The following SPCS2 variants were observed in gnomAD, a reference collection of about 807,000 sequenced individuals.
The protein encoded by SPCS2 is signal peptidase complex subunit 2, also known as SPase 25 kDa subunit.
A neutral mutation model predicts 22.3 loss-of-function variants in SPCS2; 3 were observed. That is an observed-to-expected ratio of 0.13 (90% CI 0.06 to 0.35). The LOEUF (loss-of-function observed/expected upper bound fraction) is 0.35, where lower values mean the gene tolerates loss of function less well. SPCS2 is among the 10% of genes least tolerant of loss of function. SPCS2 has a pLI of 1.00. For missense variants in SPCS2, 169 were observed against 280.9 expected, an observed-to-expected ratio of 0.60 and a Z score of 2.85; for synonymous variants, 67 against 97.2, an observed-to-expected ratio of 0.69 and a Z score of 1.83.
chr11:74,977,718 AAAGG>A lies in SPCS2; in HGVS notation c.*683_*686del, dbSNP rs1948623477. 1 of 152,620 alleles carries A rather than the reference AAAGG, an allele frequency of 6.6e-6. No individual in the cohort carries two copies. The highest frequency in any genetic ancestry group is 1.5e-5 in the Non-Finnish European group (1 of 68,024). The allele number at this position is 152,620 out of a possible 1,614,324, so 9.5% of individuals were successfully genotyped here. A position where few individuals can be genotyped will look rare whatever the true frequency, so the allele number is the denominator to read the frequency against. ...CCATTTTCTAAAATTTTTTTCAATAAAAGGAAGGAAGATGTGAAAAAAATGGAGT... is the reference window on the plus strand; with the variant it reads ...CCATTTTCTAAAATTTTTTTCAATAAAAGGAAGATGTGAAAAAAATGGAGT... On this transcript the variant is annotated 3_prime_UTR_variant, in exon 5 of 5. Coordinates refer to ENST00000263672, the MANE Select transcript of SPCS2 (RefSeq NM_014752.3).
intron 1 of SPCS2, among the ~76,000 whole-genome samples, chr11:74,955,031 G>C (rs1045814867): frequency 6.6e-6 from 1 of 152,034 alleles, no homozygotes; most frequent in African/African-American, 2.4e-5. Flanking sequence ...ACCACTTCAC[G>C]TCCACTAAGA....
chr11:74,963,907 A>G (rs145231632), intron 1 of SPCS2, among the ~76,000 whole-genome samples: 292 of 152,342 alleles, frequency 1.9e-3, no homozygotes, highest in African/African-American at 6.6e-3. Flanking sequence ...TCTACAAAAA[A>G]CAGGTTTGTC....
chr11:74,976,926 G>C lies in SPCS2; in HGVS notation c.564G>C (p.Glu188Asp). Residue 188 changes from glutamate to aspartate, a missense_variant, in exon 5 of 5, where the codon GAG becomes GAC. By Grantham distance (45) the Glu-to-Asp change is conservative. This residue lies in a region of SPCS2 where 118 missense variants were observed against 243.1 expected (regional missense o/e 0.49). Coordinates refer to ENST00000263672, the MANE Select transcript of SPCS2 (RefSeq NM_014752.3). ...SGRTKQQREAEFTKSIAKFFD... is the reference protein window; with the variant it reads ...SGRTKQQREADFTKSIAKFFD... ...GAACAAAGCAGCAGCGGGAAGCCGA[G>C]TTCACAAAGTCCATTGCTAAGTTTT... 1 of 1,613,306 alleles carries C rather than the reference G, an allele frequency of 6.2e-7. No homozygotes were observed. Among genetic ancestry groups the C allele is most frequent in the Non-Finnish European group, 8.5e-7 (1 of 1,179,494 alleles).
intron 1 of SPCS2, among the ~76,000 whole-genome samples, chr11:74,961,964 G>A (rs1029561325): frequency 6.6e-6 from 1 of 152,140 alleles, no homozygotes. Flanking sequence ...TTTATAATGA[G>A]CCATGTATTT....
chr11:74,963,750 G>A (rs1019750067), intron 1 of SPCS2: 2 of 206,922 alleles, frequency 9.7e-6, no homozygotes, highest in East Asian at 1.5e-4. Flanking sequence ...TGCTCAATCC[G>A]AAAGATAAAT....
At chr11:74,970,846 T>A (rs1160141150) in intron 4 of SPCS2, among the ~76,000 whole-genome samples, 1 of 152,242 alleles carries the variant, frequency 6.6e-6, no homozygotes, top group African/African-American at 2.4e-5. Flanking sequence ...TTGTATTTTT[T>A]AAGAACTTTT....
chr11:74,969,791 C>T (rs915459414), intron 4 of SPCS2, 92 bp downstream of exon 4: 4 of 1,400,928 alleles, frequency 2.9e-6, no homozygotes, highest in Non-Finnish European at 4.0e-6. Flanking sequence ...TGTGCCTACT[C>T]TATGTGGATC....
intron 4 of SPCS2, among the ~76,000 whole-genome samples, chr11:74,975,368 G>A (rs1195264700): frequency 6.6e-6 from 1 of 151,742 alleles, no homozygotes; most frequent in Non-Finnish European, 1.5e-5. Context: ...TTTTTATACT[G>A]TCTGTTCCCT....
chr11:74,970,152 G>C (rs1434014078), intron 4 of SPCS2, among the ~76,000 whole-genome samples: 1 of 152,182 alleles, frequency 6.6e-6, no homozygotes, highest in Non-Finnish European at 1.5e-5. Context: ...ACTTTGTGCA[G>C]CTGACACACA....
rs753385069 is a variant in SPCS2, at chr11:74,976,913, A to G, written c.551A>G (p.Gln184Arg). 2.5e-6 allele frequency: 4 copies of G among 1,613,650 alleles called. No homozygotes were observed. Among genetic ancestry groups the G allele is most frequent in the Admixed American group, 1.7e-5 (1 of 59,990 alleles). The change falls in exon 5 of 5, where the codon CAG becomes CGG. Residue 184 changes from glutamine (Q) to arginine (R), a missense_variant. By Grantham distance (43) the Gln-to-Arg change is conservative (BLOSUM62 1). This residue lies in a region of SPCS2 where 118 missense variants were observed against 243.1 expected (regional missense o/e 0.49). Coordinates refer to ENST00000263672, the MANE Select transcript of SPCS2 (RefSeq NM_014752.3). ...TTCATCAGTGGGAGAACAAAGCAGC[A>G]GCGGGAAGCCGAGTTCACAAAGTCC... ...LTFISGRTKQ[Q>R]REAEFTKSIA...
Position 74,964,713 on chromosome 11 carries a change from G to A in SPCS2, c.115-321G>A, listed in dbSNP as rs868271088. 4.6e-5 allele frequency among the ~76,000 whole-genome samples: 7 copies of A among 152,324 alleles called. No homozygotes were observed. In the South Asian group the frequency reaches 1.4e-3, roughly 32 times the overall value. On this transcript the variant is annotated intron_variant, in intron 1 of 4. Coordinates refer to ENST00000263672, the MANE Select transcript of SPCS2 (RefSeq NM_014752.3). ...CTGTGCAGCCCATATACGTTTTCTG[G>A]TTCTGGGGTTGTTTTTATATTCTCT...
At chr11:74,960,441 G>C (rs888230245) in intron 1 of SPCS2, among the ~76,000 whole-genome samples, 27 of 152,062 alleles carry the variant, frequency 1.8e-4, no homozygotes, top group Admixed American at 7.9e-4. Flanking sequence ...TTTACATTGG[G>C]GGGGGAGGTT....
chr11:74,955,851 AATATAT>A (rs60855711), intron 1 of SPCS2, among the ~76,000 whole-genome samples: 883 of 55,552 alleles, frequency 0.016, 56 homozygotes, highest in African/African-American at 0.033. Context: ...TACTAATTAA[AATATAT>A]ATATATATAT....
chr11:74,969,531 T>C lies in SPCS2; in HGVS notation c.360-34T>C, dbSNP rs753015318. On this transcript the variant is annotated intron_variant, in intron 3 of 4. Transcript: ENST00000263672. ...GTCAATTTGTGTTACTTCTCTTTTA[T>C]GTTTGGGTATTTTCCCCTTAACTTT... is the stretch of plus-strand genomic sequence containing the variant. 9 of 1,601,448 alleles carry C rather than the reference T, an allele frequency of 5.6e-6. No individual in the cohort carries two copies. In the Admixed American group the frequency reaches 1.2e-4, roughly 21 times the overall value.
At chr11:74,976,835 T>C (rs1439854983) in intron 4 of SPCS2, 22 bp from the exon 5 acceptor site, 7 of 1,613,400 alleles carry the variant, frequency 4.3e-6, no homozygotes, top group African/African-American at 1.3e-5. Context: ...TTTTAATTTG[T>C]TATCTTTGCC....
intron 1 of SPCS2, among the ~76,000 whole-genome samples, chr11:74,957,110 G>C (rs941370270): frequency 6.6e-6 from 1 of 152,090 alleles, no homozygotes; most frequent in Non-Finnish European, 1.5e-5. Context: ...TGCAGAATTT[G>C]TCTTGTTTAT....
intron 4 of SPCS2, among the ~76,000 whole-genome samples, chr11:74,971,236 A>G (rs1948582176): frequency 6.6e-6 from 1 of 152,174 alleles, no homozygotes; most frequent in Non-Finnish European, 1.5e-5. Flanking sequence ...GTAACATTCC[A>G]TTTTGTTTAT....
chr11:74,968,159 G>A (rs1402499276), intron 3 of SPCS2: 5 of 152,136 alleles, frequency 3.3e-5, no homozygotes, highest in South Asian at 2.1e-4. Flanking sequence ...TGCCTTTCCT[G>A]TTCATGAAAT....
rs1410784306 is a variant in SPCS2 at position 74,977,715 on chromosome 11, A to G, written c.*672A>G. 2.0e-5 allele frequency: 3 copies of G among 152,610 alleles called. No individual in the cohort carries two copies. The highest frequency in any genetic ancestry group is 4.4e-5 in the Non-Finnish European group (3 of 68,020). 9.5% of individuals were successfully genotyped at this position (152,610 alleles called of 1,614,324 possible). A position where few individuals can be genotyped will look rare whatever the true frequency, so the allele number is the denominator to read the frequency against. ...CTGCCATTTTCTAAAATTTTTTTCAATAAAAGGAAGGAAGATGTGAAAAAA... is the reference window on the plus strand; with the variant it reads ...CTGCCATTTTCTAAAATTTTTTTCAGTAAAAGGAAGGAAGATGTGAAAAAA... On this transcript the variant is annotated 3_prime_UTR_variant, in exon 5 of 5. Transcript: ENST00000263672.
Sources: allele counts gnomAD v4.1 joint callset (sites outside exome capture counted in the v4.1 genomes callset), GRCh38; gene constraint gnomAD v4.1.1; regional missense constraint gnomAD v4.1.1; transcripts MANE v1.5; gene names NCBI Gene and HGNC (gene_info 2026-07-23, HGNC 2026-07-21).